PPP1R12A: variants seen among roughly 807,000 people sequenced by gnomAD.
PPP1R12A encodes protein phosphatase 1 regulatory subunit 12A.
In PPP1R12A, 19 loss-of-function variants were observed where a neutral mutation model predicts 139.6. The observed-to-expected ratio is 0.14, with a 90% CI of 0.09 to 0.20. PPP1R12A has a LOEUF of 0.20. PPP1R12A is among the 10% of genes least tolerant of loss of function. PPP1R12A has a pLI of 1.00. For synonymous variants in PPP1R12A, 427 were observed against 420.6 expected (o/e 1.02, Z -0.19); for missense variants, 925 against 1,211.5 (o/e 0.76, Z 3.51).
chr12:79,791,937 G>A (rs1871927598), intron 19 of PPP1R12A, among the ~76,000 whole-genome samples: 1 of 151,906 alleles, frequency 6.6e-6, no homozygotes, highest in South Asian at 2.1e-4. Context: ...TTAGCATAAC[G>A]CCCTTGTTCC....
chr12:79,845,729 A>G (rs1439324430), intron 2 of PPP1R12A, among the ~76,000 whole-genome samples: 2 of 151,962 alleles, frequency 1.3e-5, no homozygotes, highest in African/African-American at 2.4e-5. Context: ...CCAGCTACTC[A>G]GGAGGCTGAG....
At chr12:79,841,810 TAGA>T (rs1276766595) in intron 3 of PPP1R12A, among the ~76,000 whole-genome samples, 1 of 152,234 alleles carries the variant, frequency 6.6e-6, no homozygotes, top group Non-Finnish European at 1.5e-5. Flanking sequence ...TACTCAATTC[TAGA>T]AGATCCTATG....
At chr12:79,896,479 G>A (rs1006684327) in intron 1 of PPP1R12A, among the ~76,000 whole-genome samples, 2 of 151,856 alleles carry the variant, frequency 1.3e-5, no homozygotes, top group African/African-American at 2.4e-5. Flanking sequence ...GACCACAGAC[G>A]TGCCACCTTT....
At chr12:79,869,883 CT>C (rs1882380380) in intron 2 of PPP1R12A, among the ~76,000 whole-genome samples, 1 of 149,924 alleles carries the variant, frequency 6.7e-6, no homozygotes, top group Non-Finnish European at 1.5e-5. Context: ...TTCTTACCCC[CT>C]GGGTTATAAC....
At chr12:79,780,908 CT>C (rs946425770) in intron 23 of PPP1R12A, among the ~76,000 whole-genome samples, 8 of 150,974 alleles carry the variant, frequency 5.3e-5, no homozygotes, top group East Asian at 1.9e-4. Context: ...TTTTTATATT[CT>C]TTTTTTTTAA....
chr12:79,799,977 C>T (rs1444343795), intron 14 of PPP1R12A, among the ~76,000 whole-genome samples: 1 of 151,806 alleles, frequency 6.6e-6, no homozygotes, highest in African/African-American at 2.4e-5. Flanking sequence ...CACCCCGCAG[C>T]GTGGGTGACA....
intron 1 of PPP1R12A, among the ~76,000 whole-genome samples, chr12:79,916,656 T>G (rs532812471): frequency 6.6e-6 from 1 of 152,232 alleles, no homozygotes; most frequent in South Asian, 2.1e-4. Flanking sequence ...AGAATTCCAT[T>G]ATTTGCTTAG....
chr12:79,786,126 G>A (rs1280818825), intron 22 of PPP1R12A, among the ~76,000 whole-genome samples: 1 of 152,002 alleles, frequency 6.6e-6, no homozygotes, highest in Non-Finnish European at 1.5e-5. Flanking sequence ...TGGTATTCTG[G>A]AAATAAACAT....
At chr12:79,797,155 C>A (rs1310256256) in intron 16 of PPP1R12A, 40 bp downstream of exon 16, 2 of 1,489,410 alleles carry the variant, frequency 1.3e-6, no homozygotes, top group South Asian at 1.3e-5. Context: ...AAGGACTATT[C>A]ATACCATTTG....
intron 1 of PPP1R12A, among the ~76,000 whole-genome samples, chr12:79,883,979 A>T (rs1169145855): frequency 6.6e-6 from 1 of 152,182 alleles, no homozygotes; most frequent in Non-Finnish European, 1.5e-5. Flanking sequence ...AAGGAGAACT[A>T]AGAAGGAATG....
Position 79,934,779 on chromosome 12 carries a change from G to T in PPP1R12A, c.153C>A (p.Gly51=). 6.4e-7 allele frequency: 1 copy of T among 1,556,342 alleles called. No individual in the cohort carries two copies. Among genetic ancestry groups the T allele is most frequent in the Non-Finnish European group, 8.7e-7 (1 of 1,149,884 alleles). ...GCAGCTTGAGGACCTCGTCCGTGTC[G>T]CCGCTGGAGCAAGCAGCCAGGAAGA... The part of the protein sequence containing the change: ...GAVFLAACSS[G]DTDEVLKLLH... Residue 51 remains glycine, a synonymous_variant, in exon 1 of 25, where the codon GGC becomes GGA. Coordinates refer to ENST00000450142, the MANE Select transcript of PPP1R12A (RefSeq NM_002480.3).
intron 4 of PPP1R12A, 103 bp downstream of exon 4, chr12:79,832,227 CTT>C (rs1877515333): frequency 8.7e-7 from 1 of 1,153,490 alleles, no homozygotes; most frequent in Admixed American, 2.8e-5. Flanking sequence ...TTAAAGAACT[CTT>C]TTATGTTGCT....
intron 22 of PPP1R12A, among the ~76,000 whole-genome samples, chr12:79,785,424 G>A (rs555168491): frequency 2.6e-5 from 4 of 151,968 alleles, no homozygotes; most frequent in Non-Finnish European, 5.9e-5. Context: ...GAACTTTTTT[G>A]GTTTTTGTTT....
chr12:79,916,604 AG>A (rs1356620202), intron 1 of PPP1R12A, among the ~76,000 whole-genome samples: 3 of 152,190 alleles, frequency 2.0e-5, no homozygotes, highest in African/African-American at 4.8e-5. Context: ...AACTTTCTGT[AG>A]TCCACTTGCA....
chr12:79,785,607 C>T (rs1018512646), intron 22 of PPP1R12A, among the ~76,000 whole-genome samples: 2 of 152,044 alleles, frequency 1.3e-5, no homozygotes, highest in Admixed American at 6.5e-5. Context: ...GCTAGAAAGT[C>T]CCAGGTTAAA....
chr12:79,911,437 C>A (rs1402904480), intron 1 of PPP1R12A, among the ~76,000 whole-genome samples: 2 of 152,056 alleles, frequency 1.3e-5, no homozygotes, highest in Non-Finnish European at 2.9e-5. Flanking sequence ...GACACTGGGG[C>A]CTACCTGAGG....
At chr12:79,863,387 CA>C (rs1230269859) in intron 2 of PPP1R12A, among the ~76,000 whole-genome samples, 1 of 152,010 alleles carries the variant, frequency 6.6e-6, no homozygotes, top group African/African-American at 2.4e-5. Flanking sequence ...ATACCATCGA[CA>C]CTATGAAGAA....
chr12:79,810,529 A>G (rs1196293446), intron 9 of PPP1R12A, among the ~76,000 whole-genome samples: 3 of 152,190 alleles, frequency 2.0e-5, no homozygotes, highest in Admixed American at 2.0e-4. Context: ...CAATTAAAAT[A>G]AGACAGGTAA....
At chr12:79,884,381 CTT>C (rs1268771874) in intron 1 of PPP1R12A, among the ~76,000 whole-genome samples, 1 of 152,090 alleles carries the variant, frequency 6.6e-6, no homozygotes, top group African/African-American at 2.4e-5. Flanking sequence ...TCTGCTTGTT[CTT>C]TTGTTTATAA....
Sources: allele counts gnomAD v4.1 joint callset (sites outside exome capture counted in the v4.1 genomes callset), GRCh38; gene constraint gnomAD v4.1.1; transcripts MANE v1.5; gene names NCBI Gene and HGNC (gene_info 2026-07-23, HGNC 2026-07-21).